Variants in SH3TC1 observed in about 807,000 individuals in gnomAD.
SH3TC1 encodes the protein SH3 domain and tetratricopeptide repeat-containing protein 1.
SH3TC1 carries 135 observed loss-of-function variants against 117.3 expected under a neutral mutation model. The observed-to-expected ratio is 1.15, with a 90% CI of 1.00 to 1.33. The LOEUF (loss-of-function observed/expected upper bound fraction) is 1.33. Among genes scored for constraint, SH3TC1 ranks in the 40% most tolerant of loss-of-function variants. The pLI is 0.00. For missense variants in SH3TC1, 2,092 were observed against 1,794.3 expected (o/e 1.17, Z -3.00); for synonymous variants, 898 against 816.9 (o/e 1.10, Z -1.69).
Position 8,240,989 on chromosome 4 carries a change from G to A in SH3TC1, c.*34G>A, listed in dbSNP as rs557630514. ...TCCAAGGGAGTGGGTTTTGTGCAAGGGCTGGGGGTCTCCTGCCTCTCCTGG... is the reference window on the plus strand; with the variant it reads ...TCCAAGGGAGTGGGTTTTGTGCAAGAGCTGGGGGTCTCCTGCCTCTCCTGG... On this transcript the variant is annotated 3_prime_UTR_variant, in exon 18 of 18. Transcript: ENST00000245105. The A allele has an allele frequency of 3.1e-6, 5 of 1,592,944 alleles. No individual in the cohort carries two copies. Among genetic ancestry groups the A allele is most frequent in the South Asian group, 2.2e-5 (2 of 90,912 alleles).
At chr4:8,213,985 A>G (rs978427489) in intron 4 of SH3TC1, among the ~76,000 whole-genome samples, 4 of 152,108 alleles carry the variant, frequency 2.6e-5, no homozygotes, top group Non-Finnish European at 5.9e-5. Context: ...GAGTCGGAAG[A>G]GTTCCAGTGT....
At chr4:8,233,755 CCAT>C (rs1280545961) in intron 14 of SH3TC1, among the ~76,000 whole-genome samples, 4 of 33,290 alleles carry the variant, frequency 1.2e-4, no homozygotes, top group Non-Finnish European at 1.8e-4. Context: ...ATCCATCCAT[CCAT>C]CATCCATCCA....
chr4:8,199,064 C>G (rs1561675739), upstream of SH3TC1, among the ~76,000 whole-genome samples: 2 of 152,234 alleles, frequency 1.3e-5, no homozygotes, highest in African/African-American at 4.8e-5. Context: ...CTGGGTGCCC[C>G]TAGCCTCTAC....
chr4:8,204,048 C>T (rs944888644), intron 1 of SH3TC1, among the ~76,000 whole-genome samples: 1 of 152,176 alleles, frequency 6.6e-6, no homozygotes, highest in African/African-American at 2.4e-5. Context: ...GCCCTGCCCC[C>T]CAGCATCCAC....
At chr4:8,238,145 G>A (rs1436928566) in intron 17 of SH3TC1, among the ~76,000 whole-genome samples, 1 of 152,106 alleles carries the variant, frequency 6.6e-6, no homozygotes, top group African/African-American at 2.4e-5. Context: ...CCTGCACTGA[G>A]CAACTCCTTC....
chr4:8,192,871 A>G lies in SH3TC1; in HGVS notation c.-57+10661A>G, dbSNP rs908674649. 6.6e-6 allele frequency among the ~76,000 whole-genome samples: 1 copy of G among 152,158 alleles called. No homozygotes were observed. Among genetic ancestry groups the G allele is most frequent in the East Asian group, 1.9e-4 (1 of 5,198 alleles). On this transcript the variant is annotated intron_variant, in intron 1 of 16. Transcript: ENST00000508641. The surrounding 1 kb of genome is among the most constrained non-coding windows in gnomAD (Gnocchi z 4.1). ...CACCTGGTGATTGGCTTCTCTGTGC[A>G]TATATTTGCACAGTTGCAGGCATGA...
chr4:8,232,668 C>G, intron 13 of SH3TC1: 2 of 1,292,796 alleles, frequency 1.5e-6, no homozygotes, highest in Non-Finnish European at 1.0e-6. Flanking sequence ...GCATCCTGAC[C>G]TGGTGGGGTA....
At chr4:8,229,443 T>C (rs1192202705) in intron 12 of SH3TC1, among the ~76,000 whole-genome samples, 1 of 63,980 alleles carries the variant, frequency 1.6e-5, no homozygotes, top group Admixed American at 2.0e-4. Flanking sequence ...TGGGGGTGAG[T>C]GAGCAGGGGG....
In SH3TC1 at chr4:8,236,441, A is replaced by C. The variant is rs1222469841; in HGVS notation, c.3556+13A>C. 7.0e-7 allele frequency: 1 copy of C among 1,437,918 alleles called. No individual in the cohort carries two copies. Among genetic ancestry groups the C allele is most frequent in the Non-Finnish European group, 9.2e-7 (1 of 1,087,096 alleles). The allele number at this position is 1,437,918 out of a possible 1,614,324, so 89.1% of individuals were successfully genotyped here. On this transcript the variant is annotated intron_variant, in intron 16 of 17. Coordinates refer to ENST00000245105, the MANE Select transcript of SH3TC1 (RefSeq NM_018986.5). ...AGCATCACCCTGGGTAAGCCCCCTG[A>C]GCCCCTGCCCTGCCAGGACCCACAC... is the stretch of plus-strand genomic sequence containing the variant.
In SH3TC1 at chr4:8,205,449, A is replaced by C. The variant is rs914500563; in HGVS notation, c.172+83A>C. 1.2e-5 allele frequency: 15 copies of C among 1,211,240 alleles called. No individual in the cohort carries two copies. In the African/African-American group the frequency reaches 1.8e-4, roughly 15 times the overall value. 75.0% of individuals were successfully genotyped at this position (1,211,240 alleles called of 1,614,324 possible). A position where few individuals can be genotyped will look rare whatever the true frequency, so the allele number is the denominator to read the frequency against. On this transcript the variant is annotated intron_variant, in intron 2 of 17. Transcript: ENST00000245105. This position sits in a 1 kb window ranked among gnomAD's most constrained non-coding sequence, Gnocchi z 5.4. ...CCGCCCCGTCCATCCATCCCTCACC[A>C]CCCTGCCTGCCTCCAGGCCTCTTGG...
chr4:8,214,415 T>C (rs1245379796), intron 4 of SH3TC1, 60 bp from the exon 5 acceptor site: 20 of 1,489,320 alleles, frequency 1.3e-5, no homozygotes, highest in Non-Finnish European at 1.8e-5. Flanking sequence ...GACGCTGTCC[T>C]CCTGACAGAT....
intron 5 of SH3TC1, among the ~76,000 whole-genome samples, chr4:8,215,659 C>T (rs573676299): frequency 2.6e-5 from 4 of 152,180 alleles, no homozygotes; most frequent in Non-Finnish European, 4.4e-5. Flanking sequence ...CTGCCCCAGA[C>T]GAGAGGGGGG....
intron 1 of SH3TC1, among the ~76,000 whole-genome samples, chr4:8,193,396 TGTGGG>T (rs1717472833): frequency 2.6e-5 from 4 of 152,204 alleles, no homozygotes; most frequent in Non-Finnish European, 5.9e-5. Flanking sequence ...CTGAAGTGGC[TGTGGG>T]AGCCACTTCA....
At chr4:8,233,540 C>T in intron 14 of SH3TC1, 27 bp downstream of exon 14, 2 of 1,579,262 alleles carry the variant, frequency 1.3e-6, no homozygotes, top group South Asian at 1.2e-5. Flanking sequence ...GCAGGAGGGC[C>T]TCTGCACATG....
Position 8,217,970 on chromosome 4 carries a change from G to A in SH3TC1, c.840-301G>A, listed in dbSNP as rs184528860. ...CACCCCTCACTGTGTGGAGCTGGGG[G>A]AGGCAGGTGCTTTGGAGGTCTGCAG... On this transcript the variant is annotated intron_variant, in intron 7 of 17. Transcript: ENST00000245105. Among the ~76,000 whole-genome samples the A allele has an allele frequency of 2.6e-3, 398 of 152,352 alleles. 1 individual carries two copies. Among genetic ancestry groups the A allele is most frequent in the Middle Eastern group, 6.8e-3 (2 of 294 alleles).
At chr4:8,197,823 G>A (rs1578641533), upstream of SH3TC1, among the ~76,000 whole-genome samples, 1 of 152,216 alleles carries the variant, frequency 6.6e-6, no homozygotes, top group East Asian at 1.9e-4. Context: ...CACCGTGCAG[G>A]ATGCAGGGAC....
chr4:8,230,415 C>T (rs891547524), intron 12 of SH3TC1, among the ~76,000 whole-genome samples: 3 of 152,126 alleles, frequency 2.0e-5, no homozygotes, highest in African/African-American at 4.8e-5. Context: ...GGATGACAGG[C>T]GTGAGCCATG....
At chr4:8,207,423 A>G (rs780620392) in intron 2 of SH3TC1, among the ~76,000 whole-genome samples, 2 of 152,124 alleles carry the variant, frequency 1.3e-5, no homozygotes, top group Non-Finnish European at 2.9e-5. Context: ...GGGGGACAAC[A>G]CTCTGAAACT....
Position 8,240,748 on chromosome 4 carries a change from G to A in SH3TC1, c.3804G>A (p.Val1268=). ...GYYQLALAAA[V]DLGNKKAQLK... is the part of the protein sequence containing the mutation. ...ACCAGCTGGCGCTGGCAGCCGCCGT[G>A]GACCTGGGCAACAAGAAGGCACAGC... The change falls in exon 18 of 18, where the codon GTG becomes GTA. Residue 1268 remains valine, a synonymous_variant. Coordinates refer to ENST00000245105, the MANE Select transcript of SH3TC1 (RefSeq NM_018986.5). 1 of 1,613,914 alleles carries A rather than the reference G, an allele frequency of 6.2e-7. No homozygotes were observed. The highest frequency in any genetic ancestry group is 8.5e-7 in the Non-Finnish European group (1 of 1,179,996).
Sources: allele counts gnomAD v4.1 joint callset (sites outside exome capture counted in the v4.1 genomes callset), GRCh38; gene constraint gnomAD v4.1.1; non-coding constraint Gnocchi (gnomAD v3.1); transcripts MANE v1.5; gene names NCBI Gene and HGNC (gene_info 2026-07-23, HGNC 2026-07-21).